The following KCNQ1OT1 variants were observed in gnomAD, a reference collection of about 807,000 sequenced individuals.
KCNQ1OT1 encodes the protein KCNQ1 antisense RNA 2 (non-protein coding).
chr11:2,632,690 C>A, exon 1 of KCNQ1OT1: 1 of 398,374 alleles, frequency 2.5e-6, no homozygotes, highest in South Asian at 1.3e-4. Context: ...CTCCATCTTT[C>A]TGTGCCTAAT....
chr11:2,649,302 T>C (rs575879249), exon 1 of KCNQ1OT1: 26 of 398,572 alleles, frequency 6.5e-5, no homozygotes, highest in Admixed American at 4.0e-4. Flanking sequence ...ATTGTTTTTC[T>C]TTGCAATTTT....
chr11:2,630,301 A>T (rs1232924478), exon 1 of KCNQ1OT1: 8 of 398,116 alleles, frequency 2.0e-5, no homozygotes, highest in African/African-American at 1.6e-4. Flanking sequence ...GTGCTGTTAA[A>T]TTCAGTTTGA....
At position 2,621,989 on chromosome 11, in the gene KCNQ1OT1, A is replaced by G. The variant is rs192645332; in HGVS notation, n.78006T>C. 4.0e-5 allele frequency: 16 copies of G among 398,180 alleles called. 1 individual carries two copies. In the East Asian group the frequency reaches 5.7e-4, roughly 14 times the overall value. The allele number at this position is 398,180 out of a possible 1,614,324, so 24.7% of individuals were successfully genotyped here. A position where few individuals can be genotyped will look rare whatever the true frequency, so the allele number is the denominator to read the frequency against. Reference sequence around the variant, plus strand: ...TATTTGAAATATCTCTTCTTTTTTAATGTAGGCAAGGCATTTATTGCTGTA... The same window carrying G: ...TATTTGAAATATCTCTTCTTTTTTAGTGTAGGCAAGGCATTTATTGCTGTA... On this transcript the variant is annotated non_coding_transcript_exon_variant, in exon 1 of 1. Coordinates refer to ENST00000597346, the Ensembl canonical transcript of KCNQ1OT1. The surrounding 1 kb of genome is among the most constrained non-coding windows in gnomAD (Gnocchi z 5.7).
At chr11:2,644,287 T>C (rs750136844) in exon 1 of KCNQ1OT1, 3 of 398,474 alleles carry the variant, frequency 7.5e-6, no homozygotes, top group Non-Finnish European at 8.8e-6. Flanking sequence ...ATTTTTTCTA[T>C]ATTTTTGTCT....
At chr11:2,616,163 C>CT in exon 1 of KCNQ1OT1, 1 of 396,172 alleles carries the variant, frequency 2.5e-6, no homozygotes, top group Non-Finnish European at 4.4e-6. Flanking sequence ...TTTTATCACA[C>CT]TTTTTATTTC....
exon 1 of KCNQ1OT1, chr11:2,610,027 ATT>A (rs1848953248): frequency 2.5e-6 from 1 of 397,842 alleles, no homozygotes; most frequent in Non-Finnish European, 4.4e-6. Context: ...TATTGATATA[ATT>A]AGATTTATAT....
At position 2,690,963 on chromosome 11, in the gene KCNQ1OT1, T is replaced by A. The variant is rs1393565240; in HGVS notation, n.9032A>T. 1 of 398,534 alleles carries A rather than the reference T, an allele frequency of 2.5e-6. No homozygotes were observed. The highest frequency in any genetic ancestry group is 2.1e-5 in the African/African-American group (1 of 48,622). 24.7% of individuals were successfully genotyped at this position (398,534 alleles called of 1,614,324 possible). A position where few individuals can be genotyped will look rare whatever the true frequency, so the allele number is the denominator to read the frequency against. On this transcript the variant is annotated non_coding_transcript_exon_variant, in exon 1 of 1. Transcript: ENST00000597346. This position sits in a 1 kb window ranked among gnomAD's most constrained non-coding sequence, Gnocchi z 5.1. ...AAGGTTCATTTGGGAGTCACGGGTA[T>A]GTGTCAACAAAAGCCCACCAGACCA...
exon 1 of KCNQ1OT1, chr11:2,685,907 T>C: frequency 2.5e-6 from 1 of 398,796 alleles, no homozygotes; most frequent in Non-Finnish European, 4.4e-6. Flanking sequence ...TCTCCACGGA[T>C]GAGCCTGACC....
rs1850667401 is a variant in KCNQ1OT1 at position 2,695,861 on chromosome 11, G to C, written n.4134C>G. The C allele has an allele frequency of 2.5e-6, 1 of 398,564 alleles. No individual in the cohort carries two copies. The highest frequency in any genetic ancestry group is 4.4e-6 in the Non-Finnish European group (1 of 226,052). 24.7% of individuals were successfully genotyped at this position (398,564 alleles called of 1,614,324 possible). A position where few individuals can be genotyped will look rare whatever the true frequency, so the allele number is the denominator to read the frequency against. The stretch of plus-strand genomic sequence containing the variant: ...GATTAGCTTGGGCAAATTTTCATCT[G>C]TTTGTTAACCCTCCTGCAAACTGGC... On this transcript the variant is annotated non_coding_transcript_exon_variant, in exon 1 of 1. Coordinates refer to ENST00000597346, the Ensembl canonical transcript of KCNQ1OT1. This position sits in a 1 kb window ranked among gnomAD's most constrained non-coding sequence, Gnocchi z 5.2.
chr11:2,680,191 C>T (rs1590027779), exon 1 of KCNQ1OT1: 1 of 391,592 alleles, frequency 2.6e-6, no homozygotes, highest in Non-Finnish European at 4.4e-6. Flanking sequence ...TGCACCTGGC[C>T]TCAGCTTGCC....
rs1850143914 is a variant in KCNQ1OT1, at chr11:2,669,515, G to C, written n.30480C>G. On this transcript the variant is annotated non_coding_transcript_exon_variant, in exon 1 of 1. Transcript: ENST00000597346. The surrounding 1 kb of genome is among the most constrained non-coding windows in gnomAD (Gnocchi z 5.6). ...TTCATTCCTTGTCAGCTAATGGTTT[G>C]ATGTATGTTCGCTGAATCCAGGGAC... 3 of 398,528 alleles carry C rather than the reference G, an allele frequency of 7.5e-6. No individual in the cohort carries two copies. The highest frequency in any genetic ancestry group is 1.3e-5 in the Non-Finnish European group (3 of 226,084). 24.7% of individuals were successfully genotyped at this position (398,528 alleles called of 1,614,324 possible). A position where few individuals can be genotyped will look rare whatever the true frequency, so the allele number is the denominator to read the frequency against.
chr11:2,679,250 C>T lies in KCNQ1OT1; in HGVS notation n.20745G>A, dbSNP rs1364118841. 1.0e-5 allele frequency: 4 copies of T among 398,530 alleles called. No individual in the cohort carries two copies. Among genetic ancestry groups the T allele is most frequent in the Non-Finnish European group, 1.8e-5 (4 of 226,104 alleles). 24.7% of individuals were successfully genotyped at this position (398,530 alleles called of 1,614,324 possible). On this transcript the variant is annotated non_coding_transcript_exon_variant, in exon 1 of 1. Coordinates refer to ENST00000597346, the Ensembl canonical transcript of KCNQ1OT1. The surrounding 1 kb of genome is among the most constrained non-coding windows in gnomAD (Gnocchi z 4.8). ...CAGAGGACTACAGCTGCCTGTCCCACCCTTGGCTGTGCTCTCCTTTACTAA... is the reference window on the plus strand; with the variant it reads ...CAGAGGACTACAGCTGCCTGTCCCATCCTTGGCTGTGCTCTCCTTTACTAA...
chr11:2,641,072 A>G (rs747046497), exon 1 of KCNQ1OT1: 11 of 398,364 alleles, frequency 2.8e-5, no homozygotes, highest in Non-Finnish European at 4.4e-5. Context: ...CCACTGATGT[A>G]CACTTAGGTT....
At chr11:2,609,238 T>C in exon 1 of KCNQ1OT1, 1 of 398,322 alleles carries the variant, frequency 2.5e-6, no homozygotes. Flanking sequence ...TTTTCATTAA[T>C]CTCAAAGTAC....
rs969142426 is a variant in KCNQ1OT1, at chr11:2,698,080, G to A, written n.1915C>T. The A allele has an allele frequency of 1.5e-5, 6 of 398,512 alleles. No individual in the cohort carries two copies. The highest frequency in any genetic ancestry group is 1.3e-4 in the South Asian group (1 of 7,864). 24.7% of individuals were successfully genotyped at this position (398,512 alleles called of 1,614,324 possible). On this transcript the variant is annotated non_coding_transcript_exon_variant, in exon 1 of 1. Transcript: ENST00000597346. The surrounding 1 kb of genome is among the most constrained non-coding windows in gnomAD (Gnocchi z 5.1). The stretch of plus-strand genomic sequence containing the variant: ...ATCCTGCCTGCCTGCTTTCCTTCAA[G>A]TACTGACTGAGTAAGGCTGTGTATC...
exon 1 of KCNQ1OT1, chr11:2,675,247 T>C (rs1375565252): frequency 5.0e-6 from 2 of 398,510 alleles, no homozygotes; most frequent in Non-Finnish European, 8.8e-6. Flanking sequence ...TCCCAAGCAG[T>C]ACTGTTTCAG....
chr11:2,696,014 A>G (rs184376472), exon 1 of KCNQ1OT1: 76 of 398,646 alleles, frequency 1.9e-4, no homozygotes, highest in African/African-American at 1.5e-3. Flanking sequence ...TCATGAGTGT[A>G]AAAGTGAAAA....
exon 1 of KCNQ1OT1, chr11:2,616,852 G>A (rs1564834706): frequency 5.0e-6 from 2 of 398,136 alleles, no homozygotes; most frequent in Non-Finnish European, 8.9e-6. Flanking sequence ...AGAAGAATGT[G>A]TAGTTGGGTG....
Position 2,691,133 on chromosome 11 carries a change from CAG to C in KCNQ1OT1, n.8860_8861del. 1 of 398,662 alleles carries C rather than the reference CAG, an allele frequency of 2.5e-6. No individual in the cohort carries two copies. Among genetic ancestry groups the C allele is most frequent in the Non-Finnish European group, 4.4e-6 (1 of 226,094 alleles). The allele number at this position is 398,662 out of a possible 1,614,324, so 24.7% of individuals were successfully genotyped here. On this transcript the variant is annotated non_coding_transcript_exon_variant, in exon 1 of 1. Coordinates refer to ENST00000597346, the Ensembl canonical transcript of KCNQ1OT1. The surrounding 1 kb of genome is among the most constrained non-coding windows in gnomAD (Gnocchi z 6.4). ...GGGTGGAGGCTGTGCAGACCTGGTGCAGAGTCTGTGCTGGCCTCTGGCCTCTC... is the reference window on the plus strand; with the variant it reads ...GGGTGGAGGCTGTGCAGACCTGGTGCAGTCTGTGCTGGCCTCTGGCCTCTC...
Sources: allele counts gnomAD v4.1 joint callset, GRCh38; gene constraint gnomAD v4.1.1; non-coding constraint Gnocchi (gnomAD v3.1); transcripts MANE v1.5; gene names NCBI Gene and HGNC (gene_info 2026-07-23, HGNC 2026-07-21).